PALM2AKAP2: variants seen among roughly 807,000 people sequenced by gnomAD.
PALM2AKAP2 encodes PALM2 and AKAP2 fusion, also known as PALM2-AKAP2 fusion protein.
PALM2AKAP2 carries 37 observed loss-of-function variants against 71.5 expected under a neutral mutation model. That is an observed-to-expected ratio of 0.52 (90% CI 0.40 to 0.68). The LOEUF is 0.68. Among genes scored for constraint, PALM2AKAP2 ranks in the 30% least tolerant of loss-of-function variants. The pLI is 0.00. For synonymous variants in PALM2AKAP2, 468 were observed against 478.8 expected (o/e 0.98, Z 0.29); for missense variants, 1,224 against 1,191.8 (o/e 1.03, Z -0.40).
intron 6 of PALM2AKAP2, among the ~76,000 whole-genome samples, chr9:109,964,927 C>T (rs1313783805): frequency 6.6e-6 from 1 of 152,128 alleles, no homozygotes; most frequent in Non-Finnish European, 1.5e-5. Context: ...ATGTCTCCCT[C>T]CTCACCTTTG....
intron 3 of PALM2AKAP2, 136 bp downstream of exon 9, chr9:110,156,633 G>T: frequency 1.6e-6 from 2 of 1,258,824 alleles, no homozygotes; most frequent in Non-Finnish European, 2.1e-6. Context: ...TTTCATATAT[G>T]TGGTTTCACA....
intron 3 of PALM2AKAP2, among the ~76,000 whole-genome samples, chr9:109,889,441 T>A (rs1431244795): frequency 6.6e-6 from 1 of 152,220 alleles, no homozygotes; most frequent in African/African-American, 2.4e-5. Flanking sequence ...AACCCAAGTA[T>A]ATACTGGAAC....
chr9:109,983,244 A>G (rs769498437), intron 6 of PALM2AKAP2, among the ~76,000 whole-genome samples: 19 of 152,214 alleles, frequency 1.2e-4, no homozygotes, highest in Non-Finnish European at 2.4e-4. Context: ...AATGTGCCAT[A>G]GATGCGAATA....
intron 3 of PALM2AKAP2, among the ~76,000 whole-genome samples, chr9:109,899,093 T>G (rs72753087): frequency 0.16 from 23,632 of 152,106 alleles, 2,321 homozygotes; most frequent in East Asian, 0.3. Flanking sequence ...TTTGATCTAA[T>G]TTTTTCTCCA....
chr9:110,116,597 A>C (rs1835369032), intron 1 of PALM2AKAP2, among the ~76,000 whole-genome samples: 1 of 152,206 alleles, frequency 6.6e-6, no homozygotes, highest in African/African-American at 2.4e-5. Flanking sequence ...TTTTCCTATG[A>C]CATATTCTGT....
intron 1 of PALM2AKAP2, among the ~76,000 whole-genome samples, chr9:110,076,216 T>C (rs1387740142): frequency 6.6e-6 from 1 of 152,046 alleles, no homozygotes; most frequent in African/African-American, 2.4e-5. Context: ...AGAATATTTT[T>C]CCTTCCATGT....
At chr9:110,101,873 T>C (rs997380274) in intron 1 of PALM2AKAP2, among the ~76,000 whole-genome samples, 3 of 152,240 alleles carry the variant, frequency 2.0e-5, no homozygotes, top group Non-Finnish European at 4.4e-5. Flanking sequence ...CGAGGCAGCC[T>C]GTTGGATCAC....
At chr9:109,936,442 A>G (rs1389532734) in intron 6 of PALM2AKAP2, among the ~76,000 whole-genome samples, 3 of 152,176 alleles carry the variant, frequency 2.0e-5, no homozygotes, top group Admixed American at 2.0e-4. Flanking sequence ...CCATTTTTAC[A>G]TTTCCAGCCC....
chr9:109,949,988 T>C (rs1233488083), intron 6 of PALM2AKAP2, among the ~76,000 whole-genome samples: 1 of 152,040 alleles, frequency 6.6e-6, no homozygotes, highest in African/African-American at 2.4e-5. Flanking sequence ...AAACCACCAA[T>C]ATAAATCTTA....
intron 6 of PALM2AKAP2, among the ~76,000 whole-genome samples, chr9:109,984,546 GATAA>G (rs1481193451): frequency 6.6e-6 from 1 of 151,888 alleles, no homozygotes; most frequent in Non-Finnish European, 1.5e-5. Flanking sequence ...AATTAAAATA[GATAA>G]ATAAACAAAA....
intron 7 of PALM2AKAP2, among the ~76,000 whole-genome samples, chr9:110,041,490 A>G (rs1833511712): frequency 6.6e-6 from 1 of 152,096 alleles, no homozygotes; most frequent in Non-Finnish European, 1.5e-5. Flanking sequence ...ATGTCTTTTA[A>G]AGAGGCTCAA....
rs561653026 is a variant in PALM2AKAP2, at chr9:109,856,486, T to C, written c.46-11005T>C. 4.6e-5 allele frequency among the ~76,000 whole-genome samples: 7 copies of C among 152,328 alleles called. No homozygotes were observed. In the South Asian group the frequency reaches 1.5e-3, roughly 32 times the overall value. ...GTTAAGAATAAAAGACCCCAACTTATGTTGGTGTATCCATTTTTTCCTGTA... is the reference window on the plus strand; with the variant it reads ...GTTAAGAATAAAAGACCCCAACTTACGTTGGTGTATCCATTTTTTCCTGTA... On this transcript the variant is annotated intron_variant, in intron 1 of 9. Coordinates refer to the PALM2AKAP2 transcript ENST00000302798.
chr9:109,822,771 A>G (rs1474685969), intron 1 of PALM2AKAP2, among the ~76,000 whole-genome samples: 1 of 152,126 alleles, frequency 6.6e-6, no homozygotes, highest in Non-Finnish European at 1.5e-5. Flanking sequence ...TCCACCATTG[A>G]TGGGCATTTG....
In PALM2AKAP2 at chr9:109,869,626, C is replaced by T. The variant is rs541968927; in HGVS notation, c.126+2055C>T. Among the ~76,000 whole-genome samples the T allele has an allele frequency of 2.4e-3, 349 of 143,138 alleles. 4 individuals carry two copies. Among genetic ancestry groups the T allele is most frequent in the Non-Finnish European group, 2.1e-3 (138 of 64,344 alleles). The allele number at this position is 143,138 out of a possible 152,430, so 93.9% of individuals were successfully genotyped here. On this transcript the variant is annotated intron_variant, in intron 2 of 9. Coordinates refer to the PALM2AKAP2 transcript ENST00000302798. ...GTGCTGGGATTGCATATTCATTTTT[C>T]GTCTATGCATCCATTCATCCATCTT...
intron 1 of PALM2AKAP2, among the ~76,000 whole-genome samples, chr9:109,651,931 T>A (rs372690226): frequency 1.3e-5 from 2 of 152,202 alleles, no homozygotes; most frequent in African/African-American, 4.8e-5. Context: ...CTGGTCGAAA[T>A]TCTGTTTTTG....
chr9:109,987,500 T>C (rs1832402865), intron 6 of PALM2AKAP2, among the ~76,000 whole-genome samples: 1 of 152,212 alleles, frequency 6.6e-6, no homozygotes, highest in Non-Finnish European at 1.5e-5. Flanking sequence ...AAAAACTTGC[T>C]ATCTTTTGGG....
chr9:109,902,222 T>C (rs982479232), intron 3 of PALM2AKAP2, among the ~76,000 whole-genome samples: 5 of 152,212 alleles, frequency 3.3e-5, no homozygotes, highest in Non-Finnish European at 7.3e-5. Flanking sequence ...TGTATCTCAT[T>C]TGGCTGTTGT....
intron 6 of PALM2AKAP2, among the ~76,000 whole-genome samples, chr9:109,941,148 T>C (rs4978860): frequency 0.077 from 10,658 of 138,096 alleles, 379 homozygotes; most frequent in East Asian, 0.13. Flanking sequence ...TCCTCTTCTT[T>C]TTTTTTTTTT....
chr9:109,736,779 T>C (rs2118673972), intron 1 of PALM2AKAP2, among the ~76,000 whole-genome samples: 1 of 152,148 alleles, frequency 6.6e-6, no homozygotes, highest in South Asian at 2.1e-4. Context: ...CATCCCACCT[T>C]TTGTAGTCTC....
Sources: allele counts gnomAD v4.1 joint callset (sites outside exome capture counted in the v4.1 genomes callset), GRCh38; gene constraint gnomAD v4.1.1; transcripts MANE v1.5; gene names NCBI Gene and HGNC (gene_info 2026-07-23, HGNC 2026-07-21).